The following TRAPPC10 variants were observed in gnomAD, a reference collection of about 807,000 sequenced individuals.
TRAPPC10 encodes the protein TRAPP 130 kDa subunit.
TRAPPC10 carries 23 observed loss-of-function variants against 125.5 expected under a neutral mutation model. The observed-to-expected ratio is 0.18, with a 90% CI of 0.13 to 0.26. The LOEUF (loss-of-function observed/expected upper bound fraction) is 0.26. Among genes scored for constraint, TRAPPC10 ranks in the 10% least tolerant of loss-of-function variants. The pLI is 1.00. For synonymous variants in TRAPPC10, 509 were observed against 518.0 expected (o/e 0.98, Z 0.24); for missense variants, 1,123 against 1,308.4 (o/e 0.86, Z 2.19).
chr21:44,094,055 C>T lies in TRAPPC10; in HGVS notation c.2998-8C>T, dbSNP rs761210911. The T allele has an allele frequency of 7.4e-6, 12 of 1,611,576 alleles. No homozygotes were observed. The highest frequency in any genetic ancestry group is 4.2e-6 in the Non-Finnish European group (5 of 1,179,196). ...TGTGTGAGCAGTGACCCCCAACTCT[C>T]TTTCCAGCCCATCTACAGCAAGCAG... On this transcript the variant is annotated splice_region_variant and splice_polypyrimidine_tract_variant and intron_variant, in intron 19 of 22. Transcript: ENST00000291574.
rs954810521 is a variant in TRAPPC10, at chr21:44,047,565, T to TGTGTGTGTGTGTGCGC, written c.286-4714_286-4713insTGTGTGTGTGTGCGCG. Among the ~76,000 whole-genome samples the TGTGTGTGTGTGTGCGC allele has an allele frequency of 2.3e-3, 340 of 147,184 alleles. 3 individuals are homozygous for TGTGTGTGTGTGTGCGC. The highest frequency in any genetic ancestry group is 8.1e-3 in the African/African-American group (314 of 38,694). ...GTGTGTGTGTGTGTGTGTGTGTGTG[T>TGTGTGTGTGTGTGCGC]GCGCGCACACGCTACATGAAGTTCC... On this transcript the variant is annotated intron_variant, in intron 3 of 22. Coordinates refer to ENST00000291574, the MANE Select transcript of TRAPPC10 (RefSeq NM_003274.5).
intron 3 of TRAPPC10, 33 bp downstream of exon 3, chr21:44,037,960 G>A (rs1177724810): frequency 6.2e-7 from 1 of 1,608,098 alleles, no homozygotes; most frequent in South Asian, 1.1e-5. Flanking sequence ...GATGCGCGGT[G>A]GGATGGGGTT....
At chr21:44,026,044 C>A (rs1221332104) in intron 1 of TRAPPC10, among the ~76,000 whole-genome samples, 1 of 152,010 alleles carries the variant, frequency 6.6e-6, no homozygotes, top group Non-Finnish European at 1.5e-5. Flanking sequence ...ATTTGCTTTA[C>A]TTCTCAAATA....
rs945254891 is a variant in TRAPPC10, at chr21:44,059,728, A to T, written c.790+514A>T. ...GAGAGAAACATTGGTTATTGTCCTC[A>T]GTGTTTTTCGCTGATACTTATTTTG... On this transcript the variant is annotated intron_variant, in intron 6 of 22. Transcript: ENST00000291574. This position sits in a 1 kb window ranked among gnomAD's most constrained non-coding sequence, Gnocchi z 4.4. 2 of 474,286 alleles carry T rather than the reference A, an allele frequency of 4.2e-6. No homozygotes were observed. Among genetic ancestry groups the T allele is most frequent in the African/African-American group, 3.9e-5 (2 of 51,710 alleles). The allele number at this position is 474,286 out of a possible 1,614,324, so 29.4% of individuals were successfully genotyped here. A position where few individuals can be genotyped will look rare whatever the true frequency, so the allele number is the denominator to read the frequency against.
intron 3 of TRAPPC10, among the ~76,000 whole-genome samples, chr21:44,047,559 T>TGTGTGTGC (rs1236004990): frequency 6.6e-6 from 1 of 150,826 alleles, no homozygotes. Context: ...TGTGTGTGTG[T>TGTGTGTGC]GTGTGTGCGC....
intron 1 of TRAPPC10, among the ~76,000 whole-genome samples, chr21:44,023,330 C>T (rs916162428): frequency 2.0e-5 from 3 of 152,078 alleles, no homozygotes; most frequent in Non-Finnish European, 2.9e-5. Flanking sequence ...CCACCGCGCC[C>T]GGCCTATGTA....
chr21:44,037,770 G>A, intron 2 of TRAPPC10, 22 bp from the exon 3 acceptor site: 1 of 1,604,254 alleles, frequency 6.2e-7, no homozygotes, highest in Non-Finnish European at 8.5e-7. Flanking sequence ...TTTTCTCAGT[G>A]ACTTCAAACA....
intron 4 of TRAPPC10, among the ~76,000 whole-genome samples, chr21:44,053,317 G>A (rs1331106609): frequency 6.6e-6 from 1 of 152,092 alleles, no homozygotes; most frequent in Non-Finnish European, 1.5e-5. Flanking sequence ...TAATACGTGT[G>A]TGTATTTTAA....
At chr21:44,074,576 C>A in intron 8 of TRAPPC10, 106 bp downstream of exon 8, 1 of 1,452,096 alleles carries the variant, frequency 6.9e-7, no homozygotes, top group Non-Finnish European at 9.4e-7. Context: ...ATTTAGATCA[C>A]GATGCATCCA....
At chr21:44,043,539 ATCTT>A (rs2034566051) in intron 3 of TRAPPC10, among the ~76,000 whole-genome samples, 1 of 152,178 alleles carries the variant, frequency 6.6e-6, no homozygotes, top group African/African-American at 2.4e-5. Context: ...ATGTATCAAT[ATCTT>A]TCTTTTAAAA....
At chr21:44,065,690 G>A (rs561158501) in intron 7 of TRAPPC10, among the ~76,000 whole-genome samples, 2 of 152,200 alleles carry the variant, frequency 1.3e-5, no homozygotes, top group South Asian at 2.1e-4. Context: ...TGTGCCTGTC[G>A]GCTTCCCAGG....
At position 44,091,990 on chromosome 21, in the gene TRAPPC10, G is replaced by A; in HGVS notation, c.2938G>A (p.Val980Ile). 6.2e-7 allele frequency: 1 copy of A among 1,614,144 alleles called. No individual in the cohort carries two copies. The highest frequency in any genetic ancestry group is 2.2e-5 in the East Asian group (1 of 44,882). The change falls in exon 19 of 23, where the codon GTA (valine) becomes ATA (isoleucine). Residue 980 changes from valine (V) to isoleucine (I), a missense_variant. Physicochemically the swap from Val to Ile is conservative, Grantham distance 29. This residue lies in a region of TRAPPC10 where 840 missense variants were observed against 902.0 expected (regional missense o/e 0.93). Coordinates refer to ENST00000291574, the MANE Select transcript of TRAPPC10 (RefSeq NM_003274.5). ...LDFQLSDSYL[V>I]DTGDSTDLQL... Reference sequence around the variant, plus strand: ...CTTTCAGCTGTCAGATAGTTATCTTGTAGATACCGGTGATAGTACCGACCT... The same window carrying A: ...CTTTCAGCTGTCAGATAGTTATCTTATAGATACCGGTGATAGTACCGACCT...
chr21:44,092,195 C>T, intron 19 of TRAPPC10, 146 bp downstream of exon 19: 1 of 1,026,352 alleles, frequency 9.7e-7, no homozygotes, highest in South Asian at 1.9e-5. Context: ...CCTCCGGCTG[C>T]CCTGAGGCTG....
chr21:44,055,271 G>C (rs921946567), intron 4 of TRAPPC10, among the ~76,000 whole-genome samples: 8 of 152,014 alleles, frequency 5.3e-5, no homozygotes, highest in African/African-American at 1.9e-4. Flanking sequence ...GTTTCTTACC[G>C]CCTGCCTCAT....
At chr21:44,054,979 A>G (rs1356525901) in intron 4 of TRAPPC10, among the ~76,000 whole-genome samples, 1 of 152,192 alleles carries the variant, frequency 6.6e-6, no homozygotes, top group Non-Finnish European at 1.5e-5. Context: ...GAAGCAGAGG[A>G]AGTAAAGTGA....
rs750625469 is a variant in TRAPPC10 at position 44,080,133 on chromosome 21, A to G, written c.1723+6A>G. The G allele has an allele frequency of 3.1e-6, 5 of 1,608,172 alleles. No individual in the cohort carries two copies. The highest frequency in any genetic ancestry group is 4.3e-6 in the Non-Finnish European group (5 of 1,174,818). On this transcript the variant is annotated splice_donor_region_variant and intron_variant, in intron 13 of 22. Coordinates refer to ENST00000291574, the MANE Select transcript of TRAPPC10 (RefSeq NM_003274.5). Reference sequence around the variant, plus strand: ...CCAGCCGTCAGACAGCCCAGGTAAGACCAGTTCTTACAACTTGACTAGGAA... The same window carrying G: ...CCAGCCGTCAGACAGCCCAGGTAAGGCCAGTTCTTACAACTTGACTAGGAA...
In TRAPPC10 at chr21:44,059,238, G is replaced by T; in HGVS notation, c.790+24G>T. The T allele has an allele frequency of 6.5e-7, 1 of 1,539,728 alleles. No individual in the cohort carries two copies. The highest frequency in any genetic ancestry group is 1.2e-5 in the South Asian group (1 of 83,972). ...GGGTGAGTAGTGGCACTTCAGTAAC[G>T]CATGCTTTTCTTAGTGTGGCTTTCT... On this transcript the variant is annotated intron_variant, in intron 6 of 22. Coordinates refer to ENST00000291574, the MANE Select transcript of TRAPPC10 (RefSeq NM_003274.5). The surrounding 1 kb of genome is among the most constrained non-coding windows in gnomAD (Gnocchi z 4.4).
At chr21:44,095,714 C>T (rs566427678) in intron 20 of TRAPPC10, among the ~76,000 whole-genome samples, 13 of 151,040 alleles carry the variant, frequency 8.6e-5, no homozygotes, top group Non-Finnish European at 1.6e-4. Flanking sequence ...CAGGCATGTG[C>T]TGTGCCACCA....
intron 4 of TRAPPC10, among the ~76,000 whole-genome samples, chr21:44,054,794 G>A (rs2035455356): frequency 6.6e-6 from 1 of 152,178 alleles, no homozygotes; most frequent in Admixed American, 6.5e-5. Context: ...CTAGTGGGAG[G>A]GATAGAGGTC....
Sources: gnomAD v4.1 joint callset for allele counts (sites outside exome capture counted in the v4.1 genomes callset) on GRCh38, gnomAD v4.1.1 for gene constraint, gnomAD v4.1.1 regional missense constraint, Gnocchi (gnomAD v3.1) non-coding constraint, MANE v1.5 for transcripts, NCBI Gene and HGNC (gene_info 2026-07-23, HGNC 2026-07-21) for gene names.